Variants in TYW1 observed in about 807,000 individuals in gnomAD.
The protein encoded by TYW1 is tRNA-yW synthesizing protein 1 homolog.
A neutral mutation model predicts 96.2 loss-of-function variants in TYW1; 46 were observed. That is an observed-to-expected ratio of 0.48 (90% CI 0.38 to 0.61). TYW1 has a LOEUF of 0.61. TYW1 is among the 20% of genes least tolerant of loss of function. The probability of loss-of-function intolerance (pLI) is 0.00; values close to 1 mark genes in which losing one functional copy is unlikely to be tolerated. For synonymous variants in TYW1, 274 were observed against 323.0 expected, an observed-to-expected ratio of 0.85 and a Z score of 1.63; for missense variants, 684 against 909.6, an observed-to-expected ratio of 0.75 and a Z score of 3.19.
chr7:67,221,393 G>A (rs896702212), intron 15 of TYW1, among the ~76,000 whole-genome samples: 10 of 152,108 alleles, frequency 6.6e-5, no homozygotes, highest in Admixed American at 2.0e-4. Context: ...GGTTCAAAGC[G>A]AATCTATTGT....
intron 14 of TYW1, among the ~76,000 whole-genome samples, chr7:67,187,094 T>C (rs1800052515): frequency 1.4e-5 from 2 of 143,260 alleles, no homozygotes; most frequent in South Asian, 2.4e-4. Context: ...GATAGGGTCT[T>C]ACTCTGTCTC....
In TYW1 at chr7:67,124,271, T is replaced by C. The variant is rs1797850715; in HGVS notation, c.1698+6653T>C. On this transcript the variant is annotated intron_variant, in intron 13 of 15. Transcript: ENST00000359626. Reference sequence around the variant, plus strand: ...ACTATATATATGTTATTAATTATTATTATTTTTGTGGAGATGGTGGTTTCC... The same window carrying C: ...ACTATATATATGTTATTAATTATTACTATTTTTGTGGAGATGGTGGTTTCC... 2.0e-5 allele frequency among the ~76,000 whole-genome samples: 3 copies of C among 152,242 alleles called. No homozygotes were observed. The South Asian group carries it at 6.2e-4, about 32-fold the overall frequency.
At chr7:67,189,399 G>GCA (rs1407670670) in intron 14 of TYW1, among the ~76,000 whole-genome samples, 1 of 132,492 alleles carries the variant, frequency 7.5e-6, no homozygotes, top group African/African-American at 3.2e-5. Flanking sequence ...TGTGTGTTGT[G>GCA]TGCGTGTGTT....
intron 15 of TYW1, among the ~76,000 whole-genome samples, chr7:67,215,639 G>A (rs1043587056): frequency 2.4e-4 from 37 of 151,990 alleles, no homozygotes; most frequent in Admixed American, 4.6e-4. Context: ...ATTAGTCAGG[G>A]TTCTGTTAGA....
chr7:67,017,788 A>G lies in TYW1; in HGVS notation c.571-65A>G. On this transcript the variant is annotated intron_variant, in intron 5 of 15. Transcript: ENST00000359626. ...CCTCGGAAGGACTTTGGGCTTTTGCAGAGCAGTCTGGAAAACCCTGATTTA... is the reference window on the plus strand; with the variant it reads ...CCTCGGAAGGACTTTGGGCTTTTGCGGAGCAGTCTGGAAAACCCTGATTTA... The G allele has an allele frequency of 2.6e-6, 4 of 1,547,008 alleles. No homozygotes were observed. The South Asian group carries it at 5.0e-5, about 19-fold the overall frequency.
At chr7:67,180,386 T>TATAAA (rs1799797667) in intron 13 of TYW1, among the ~76,000 whole-genome samples, 1 of 111,598 alleles carries the variant, frequency 9.0e-6, no homozygotes, top group Non-Finnish European at 1.8e-5. Flanking sequence ...AGCTGTTGGT[T>TATAAA]TATATATATA....
chr7:67,070,441 C>CT (rs199775206), intron 10 of TYW1, among the ~76,000 whole-genome samples: 164 of 150,510 alleles, frequency 1.1e-3, no homozygotes, highest in Non-Finnish European at 1.6e-3. Context: ...TTTCTTCACA[C>CT]TTTTTTTTTT....
intron 13 of TYW1, among the ~76,000 whole-genome samples, chr7:67,155,173 C>T (rs10262781): frequency 0.23 from 34,281 of 152,030 alleles, 3,988 homozygotes; most frequent in South Asian, 0.29. Flanking sequence ...TTACGATTTT[C>T]CTTTGGAGGA....
intron 12 of TYW1, among the ~76,000 whole-genome samples, chr7:67,116,382 G>T (rs11773128): frequency 0.27 from 41,451 of 150,802 alleles, 6,543 homozygotes; most frequent in African/African-American, 0.43. Flanking sequence ...GTTTAATGTA[G>T]AACTTGCAAG....
At chr7:67,143,930 T>C (rs1798526035) in intron 13 of TYW1, among the ~76,000 whole-genome samples, 1 of 152,226 alleles carries the variant, frequency 6.6e-6, no homozygotes, top group Non-Finnish European at 1.5e-5. Flanking sequence ...ACAAAAACAT[T>C]TATAATAGTG....
At chr7:67,186,316 T>A (rs1473415131) in intron 14 of TYW1, among the ~76,000 whole-genome samples, 1 of 133,422 alleles carries the variant, frequency 7.5e-6, no homozygotes, top group Non-Finnish European at 1.6e-5. Context: ...CAGTCATGTT[T>A]TTCTATAAAG....
intron 14 of TYW1, among the ~76,000 whole-genome samples, chr7:67,192,941 TC>T (rs1403104361): frequency 6.6e-6 from 1 of 152,196 alleles, no homozygotes; most frequent in Non-Finnish European, 1.5e-5. Context: ...CGCGCAGTTG[TC>T]TGTTTGATCA....
intron 13 of TYW1, among the ~76,000 whole-genome samples, chr7:67,180,968 G>A (rs11763377): frequency 0.28 from 42,554 of 151,654 alleles, 6,434 homozygotes; most frequent in African/African-American, 0.4. Flanking sequence ...GCCAGTAAGA[G>A]TAGTGTTGAC....
chr7:67,046,566 A>G (rs1795193333), intron 7 of TYW1, among the ~76,000 whole-genome samples: 1 of 152,230 alleles, frequency 6.6e-6, no homozygotes, highest in Non-Finnish European at 1.5e-5. Flanking sequence ...AAATGAATAA[A>G]TACACAAAAA....
intron 7 of TYW1, among the ~76,000 whole-genome samples, chr7:67,039,999 T>C (rs1584492167): frequency 6.8e-6 from 1 of 146,752 alleles, no homozygotes. Flanking sequence ...CTGTGTCACC[T>C]AGGCTGGAGT....
intron 13 of TYW1, among the ~76,000 whole-genome samples, chr7:67,118,265 T>C (rs34269332): frequency 2.6e-5 from 4 of 152,088 alleles, no homozygotes; most frequent in Admixed American, 6.5e-5. Context: ...AGGTGGAGGC[T>C]GCAGTGAGCC....
intron 6 of TYW1, among the ~76,000 whole-genome samples, chr7:67,018,564 CAAAAAAA>C (rs966174622): frequency 6.6e-6 from 1 of 150,884 alleles, no homozygotes; most frequent in African/African-American, 2.4e-5. Flanking sequence ...GAAACAATAA[CAAAAAAA>C]GAAGGAAGAT....
intron 10 of TYW1, among the ~76,000 whole-genome samples, chr7:67,079,570 G>A (rs1479173866): frequency 6.7e-6 from 1 of 148,694 alleles, no homozygotes; most frequent in Non-Finnish European, 1.5e-5. Context: ...GTTGATTTTT[G>A]TGTTCTTTTA....
chr7:67,189,710 T>G (rs3110832), intron 14 of TYW1, among the ~76,000 whole-genome samples: 43,622 of 151,514 alleles, frequency 0.29, 6,982 homozygotes, highest in African/African-American at 0.43. Flanking sequence ...CCCAGATTCA[T>G]TAAGTTTTTA....
Sources: gnomAD v4.1 joint callset for allele counts (sites outside exome capture counted in the v4.1 genomes callset) on GRCh38, gnomAD v4.1.1 for gene constraint, MANE v1.5 for transcripts, NCBI Gene and HGNC (gene_info 2026-07-23, HGNC 2026-07-21) for gene names.